CHLSN: variants seen among roughly 807,000 people sequenced by gnomAD.
CHLSN encodes protein cholesin.
At chr7:1,002,512 T>C in the CHLSN span, among the ~76,000 whole-genome samples, 4 of 84,468 alleles carry the variant, frequency 4.7e-5, no homozygotes, top group Admixed American at 1.1e-4. Context: ...TGGAGTCCTG[T>C]GGGTGGGGAG....
At chr7:1,114,166 G>T in the CHLSN span, among the ~76,000 whole-genome samples, 2 of 152,296 alleles carry the variant, frequency 1.3e-5, no homozygotes, top group Middle Eastern at 3.4e-3. Flanking sequence ...TTCCCAAGGG[G>T]TGCAGGCCAG....
At chr7:1,023,624 AACACAC>A in the CHLSN span, among the ~76,000 whole-genome samples, 2,319 of 122,288 alleles carry the variant, frequency 0.019, 35 homozygotes, top group African/African-American at 0.034. The surrounding 1 kb of genome is among the most constrained non-coding windows in gnomAD (Gnocchi z 5.0). Flanking sequence ...CCTCCCAGGA[AACACAC>A]ACACACACAC....
At chr7:1,066,730 G>C in the CHLSN span, among the ~76,000 whole-genome samples, 1 of 152,248 alleles carries the variant, frequency 6.6e-6, no homozygotes, top group African/African-American at 2.4e-5. Context: ...CCATCCCTAA[G>C]CCTGAGCCTC....
chr7:1,114,852 G>A, the CHLSN span, among the ~76,000 whole-genome samples: 770 of 152,364 alleles, frequency 5.1e-3, 7 homozygotes, highest in East Asian at 0.022. Flanking sequence ...GGGGCTCGCA[G>A]GAGAGCTGCC....
At chr7:1,070,766 CAT>C in the CHLSN span, among the ~76,000 whole-genome samples, 3 of 149,666 alleles carry the variant, frequency 2.0e-5, no homozygotes, top group Non-Finnish European at 4.4e-5. Flanking sequence ...CAGACATACA[CAT>C]GCACACGCAC....
At chr7:1,046,316 T>C in the CHLSN span, among the ~76,000 whole-genome samples, 5 of 152,106 alleles carry the variant, frequency 3.3e-5, no homozygotes, top group Admixed American at 2.6e-4. Flanking sequence ...AGAAGGAAAT[T>C]ATCACCCAGA....
At chr7:1,000,525 C>T in the CHLSN span, 1 of 1,609,518 alleles carries the variant, frequency 6.2e-7, no homozygotes, top group South Asian at 1.1e-5. Context: ...CTTCTGAAAC[C>T]TCCAGTTCTT....
chr7:1,065,894 C>G, the CHLSN span, among the ~76,000 whole-genome samples: 2 of 152,236 alleles, frequency 1.3e-5, no homozygotes, highest in Non-Finnish European at 2.9e-5. Context: ...CCAGGGCCAG[C>G]CGCGGTTTCC....
chr7:1,015,992 C>T, the CHLSN span, among the ~76,000 whole-genome samples: 1 of 152,130 alleles, frequency 6.6e-6, no homozygotes, highest in Admixed American at 6.6e-5. Flanking sequence ...CATCTAGTGT[C>T]TGAGGTGTCA....
chr7:1,010,995 C>T, the CHLSN span, among the ~76,000 whole-genome samples: 8 of 151,960 alleles, frequency 5.3e-5, no homozygotes, highest in East Asian at 1.9e-4. Flanking sequence ...CCCACGCCTA[C>T]GCATCCCACC....
chr7:991,880 C>T, the CHLSN span, among the ~76,000 whole-genome samples: 1 of 152,194 alleles, frequency 6.6e-6, no homozygotes, highest in South Asian at 2.1e-4. Flanking sequence ...CTTCTCCTTC[C>T]TGGTCTGTGG....
the CHLSN span, among the ~76,000 whole-genome samples, chr7:1,041,920 G>C: frequency 6.6e-6 from 1 of 152,136 alleles, no homozygotes; most frequent in South Asian, 2.1e-4. Context: ...CCGCCACTCA[G>C]AATAAGCAAG....
At chr7:1,086,346 T>G in the CHLSN span, among the ~76,000 whole-genome samples, 1 of 152,378 alleles carries the variant, frequency 6.6e-6, no homozygotes, top group African/African-American at 2.4e-5. Flanking sequence ...CTCAGGCATT[T>G]TTAATGCTGA....
At chr7:1,065,633 G>C in the CHLSN span, among the ~76,000 whole-genome samples, 1 of 152,230 alleles carries the variant, frequency 6.6e-6, no homozygotes, top group Non-Finnish European at 1.5e-5. Context: ...GCGACACAGC[G>C]GCGACGAGGG....
chr7:1,016,185 G>A, the CHLSN span, among the ~76,000 whole-genome samples: 85 of 46,240 alleles, frequency 1.8e-3, no homozygotes, highest in Middle Eastern at 0.016. Flanking sequence ...AGCAGCACAC[G>A]CCAGCACACA....
the CHLSN span, chr7:986,406 C>G: frequency 1.7e-6 from 1 of 597,852 alleles, no homozygotes; most frequent in Non-Finnish European, 3.0e-6. Context: ...GCTGTGCAAA[C>G]CTGCCTGGCT....
At chr7:1,123,706 C>T in the CHLSN span, among the ~76,000 whole-genome samples, 1 of 151,972 alleles carries the variant, frequency 6.6e-6, no homozygotes, top group East Asian at 1.9e-4. This position sits in a 1 kb window ranked among gnomAD's most constrained non-coding sequence, Gnocchi z 4.4. Flanking sequence ...CCCAGACATA[C>T]AAGAACATGA....
the CHLSN span, chr7:988,755 C>A: frequency 8.8e-6 from 14 of 1,598,874 alleles, no homozygotes; most frequent in Non-Finnish European, 1.2e-5. Flanking sequence ...TCCCTGGACA[C>A]CACGCCCGCC....
At chr7:1,052,980 C>T in the CHLSN span, among the ~76,000 whole-genome samples, 1 of 152,184 alleles carries the variant, frequency 6.6e-6, no homozygotes, top group Admixed American at 6.5e-5. This position sits in a 1 kb window ranked among gnomAD's most constrained non-coding sequence, Gnocchi z 4.2. Context: ...CTCTAAGTCT[C>T]CCATCACCTG....
Sources: gnomAD v4.1 joint callset for allele counts (sites outside exome capture counted in the v4.1 genomes callset) on GRCh38, gnomAD v4.1.1 for gene constraint, Gnocchi (gnomAD v3.1) non-coding constraint, MANE v1.5 for transcripts, NCBI Gene and HGNC (gene_info 2026-07-23, HGNC 2026-07-21) for gene names.